ANO1: variants seen among roughly 807,000 people sequenced by gnomAD.
ANO1 encodes the protein anoctamin-1.
In ANO1, 59 loss-of-function variants were observed where a neutral mutation model predicts 124.0. The observed-to-expected ratio is 0.48, with a 90% confidence interval of 0.39 to 0.59. The LOEUF is 0.59. ANO1 is among the 20% of genes least tolerant of loss of function. The pLI is 0.00. For synonymous variants in ANO1, 529 were observed against 532.0 expected (o/e 0.99, Z 0.08); for missense variants, 1,059 against 1,328.0 (o/e 0.80, Z 3.15).
At chr11:70,149,939 T>TG (rs1470064207) in intron 12 of ANO1, 147 bp downstream of exon 12, 2 of 794,776 alleles carry the variant, frequency 2.5e-6, no homozygotes, top group Middle Eastern at 3.4e-4. Context: ...CCCCACCCCC[T>TG]GCCTGCCTCG....
In ANO1 at chr11:70,043,031, A is replaced by C. The variant is rs111495181; in HGVS notation, c.59-35511A>C. ...ACTAAAAGAAAAAATAATCAATAGA[A>C]ACAGACCCAGAAATGAGACAAATGA... On this transcript the variant is annotated intron_variant, in intron 1 of 27. Transcript: ENST00000531349. 3.3e-3 allele frequency among the ~76,000 whole-genome samples: 510 copies of C among 152,368 alleles called. 4 individuals are homozygous for C. Among genetic ancestry groups the C allele is most frequent in the African/African-American group, 0.012 (483 of 41,596 alleles).
chr11:70,093,265 T>C (rs2044708966), intron 2 of ANO1, among the ~76,000 whole-genome samples: 2 of 145,168 alleles, frequency 1.4e-5, no homozygotes, highest in Non-Finnish European at 3.0e-5. Context: ...TCACTTTCTC[T>C]CTCTCCCCCT....
chr11:70,093,352 G>A (rs1385057787), intron 2 of ANO1, among the ~76,000 whole-genome samples: 2 of 149,482 alleles, frequency 1.3e-5, no homozygotes, highest in African/African-American at 5.0e-5. Context: ...CCCTTTGACA[G>A]CCATGGGGTC....
chr11:70,093,290 C>G (rs1465022727), intron 2 of ANO1, among the ~76,000 whole-genome samples: 2 of 150,502 alleles, frequency 1.3e-5, no homozygotes, highest in African/African-American at 4.9e-5. Context: ...CTCTCCTTCT[C>G]CCTCCCTCTC....
At chr11:69,972,412 G>A in the ANO1 span, among the ~76,000 whole-genome samples, 1 of 152,004 alleles carries the variant, frequency 6.6e-6, no homozygotes, top group Non-Finnish European at 1.5e-5. Flanking sequence ...CAAGCAGCCG[G>A]CATCAACTCA....
intron 24 of ANO1, among the ~76,000 whole-genome samples, chr11:70,183,990 G>A (rs1018308640): frequency 5.9e-5 from 9 of 152,238 alleles, no homozygotes; most frequent in East Asian, 3.9e-4. Flanking sequence ...GGTGGTAGTC[G>A]GAGTGGGCGA....
intron 1 of ANO1, among the ~76,000 whole-genome samples, chr11:69,986,537 A>G (rs933877892): frequency 6.6e-6 from 1 of 152,160 alleles, no homozygotes; most frequent in Non-Finnish European, 1.5e-5. Context: ...TGCAGCGGAT[A>G]CGAGGTTTTC....
intron 10 of ANO1, among the ~76,000 whole-genome samples, chr11:70,127,520 C>A (rs1228186536): frequency 2.0e-5 from 3 of 152,236 alleles, no homozygotes; most frequent in Non-Finnish European, 2.9e-5. Context: ...CCAGTTCCCC[C>A]ACATGACTTC....
At chr11:69,989,293 A>G (rs547679635) in intron 1 of ANO1, among the ~76,000 whole-genome samples, 4 of 152,318 alleles carry the variant, frequency 2.6e-5, no homozygotes, top group Admixed American at 2.6e-4. Context: ...GAGGATAGAA[A>G]GAGTTGTCCC....
chr11:70,167,107 A>G, intron 20 of ANO1, 135 bp from the exon 21 acceptor site: 1 of 1,147,186 alleles, frequency 8.7e-7, no homozygotes, highest in Non-Finnish European at 1.2e-6. Flanking sequence ...AGACAGGGCC[A>G]CTGCACTCCA....
At chr11:70,114,830 C>CACAG (rs2045916120) in intron 7 of ANO1, among the ~76,000 whole-genome samples, 1 of 152,114 alleles carries the variant, frequency 6.6e-6, no homozygotes, top group African/African-American at 2.4e-5. Flanking sequence ...ACTCGGGAGG[C>CACAG]GGATAACAAC....
intron 23 of ANO1, among the ~76,000 whole-genome samples, chr11:70,181,409 A>G (rs1337723996): frequency 6.6e-6 from 1 of 152,230 alleles, no homozygotes; most frequent in African/African-American, 2.4e-5. Context: ...GCTTTCTGCC[A>G]GGCATGCGCT....
the ANO1 span, among the ~76,000 whole-genome samples, chr11:69,970,199 G>A: frequency 2.6e-5 from 4 of 152,274 alleles, no homozygotes; most frequent in Admixed American, 6.5e-5. Context: ...TCTTTCTCCC[G>A]AGGAGACCCC....
At chr11:70,017,914 A>C (rs117030735) in intron 1 of ANO1, among the ~76,000 whole-genome samples, 1,650 of 152,196 alleles carry the variant, frequency 0.011, 16 homozygotes, top group Non-Finnish European at 0.014. Context: ...CCCTGCCTGC[A>C]ACTCCAGCCC....
rs1412331996 is a variant in ANO1, at chr11:70,059,011, G to A, written c.59-19531G>A. On this transcript the variant is annotated intron_variant, in intron 1 of 27. Coordinates refer to the ANO1 transcript ENST00000531349. ...ATCCTGGCTAACACGGTGAAACCCCGTCTCTACTAAAAAAAAAAAAAACAC... is the reference window on the plus strand; with the variant it reads ...ATCCTGGCTAACACGGTGAAACCCCATCTCTACTAAAAAAAAAAAAAACAC... Among the ~76,000 whole-genome samples, 15 of 151,036 alleles carry A rather than the reference G, an allele frequency of 9.9e-5. No homozygotes were observed. In the East Asian group the frequency reaches 1.4e-3, roughly 14 times the overall value.
intron 14 of ANO1, among the ~76,000 whole-genome samples, chr11:70,155,407 C>T (rs1484757608): frequency 2.0e-5 from 3 of 152,226 alleles, no homozygotes; most frequent in Non-Finnish European, 4.4e-5. Flanking sequence ...TCTGACGGGC[C>T]GTACCCTTTA....
At chr11:70,004,487 G>T (rs1048657047) in intron 1 of ANO1, among the ~76,000 whole-genome samples, 1 of 152,214 alleles carries the variant, frequency 6.6e-6, no homozygotes, top group African/African-American at 2.4e-5. Flanking sequence ...CTCTCACATG[G>T]TTGTGATGTG....
chr11:69,977,729 G>C, the ANO1 span, among the ~76,000 whole-genome samples: 2 of 152,244 alleles, frequency 1.3e-5, no homozygotes, highest in Non-Finnish European at 2.9e-5. Flanking sequence ...CACCAGGGGA[G>C]TCCCCCAGAT....
intron 2 of ANO1, among the ~76,000 whole-genome samples, chr11:70,100,905 T>G (rs2045241442): frequency 6.6e-6 from 1 of 152,176 alleles, no homozygotes; most frequent in Admixed American, 6.5e-5. Flanking sequence ...GCTCTGAGCC[T>G]TCCGTGGGCA....
Sources: allele counts gnomAD v4.1 joint callset (sites outside exome capture counted in the v4.1 genomes callset), GRCh38; gene constraint gnomAD v4.1.1; transcripts MANE v1.5; gene names NCBI Gene and HGNC (gene_info 2026-07-23, HGNC 2026-07-21).